Variants in MEI4 observed in about 807,000 individuals in gnomAD.
MEI4 encodes the protein meiosis-specific protein MEI4.
A neutral mutation model predicts 31.4 loss-of-function variants in MEI4; 27 were observed. The observed-to-expected ratio is 0.86, with a 90% CI of 0.63 to 1.19. The LOEUF (loss-of-function observed/expected upper bound fraction) is 1.19. Ranked by LOEUF, MEI4 falls within the 50% of genes most tolerant of loss-of-function variation. The pLI, the probability that MEI4 is intolerant of heterozygous loss-of-function variation, is 0.00. For missense variants in MEI4, 329 were observed against 398.9 expected, an observed-to-expected ratio of 0.82 and a Z score of 1.49; for synonymous variants, 122 against 145.4, an observed-to-expected ratio of 0.84 and a Z score of 1.16.
chr6:77,889,570 T>C (rs558715081), intron 4 of MEI4, among the ~76,000 whole-genome samples: 209 of 152,242 alleles, frequency 1.4e-3, no homozygotes, highest in Admixed American at 3.1e-3. Flanking sequence ...GACAATGCAG[T>C]GGAAAAAGTA....
intron 4 of MEI4, among the ~76,000 whole-genome samples, chr6:77,903,844 C>T (rs752777710): frequency 2.1e-4 from 32 of 151,992 alleles, no homozygotes; most frequent in Non-Finnish European, 3.8e-4. Flanking sequence ...TTTATAGGAA[C>T]ATTTATGTTA....
At chr6:77,716,517 A>G (rs138096057) in intron 2 of MEI4, among the ~76,000 whole-genome samples, 50 of 152,284 alleles carry the variant, frequency 3.3e-4, no homozygotes, top group African/African-American at 1.2e-3. Flanking sequence ...GGGCTCCATC[A>G]TGAGACACAT....
chr6:77,752,845 A>G (rs943099975), intron 2 of MEI4, among the ~76,000 whole-genome samples: 2 of 146,536 alleles, frequency 1.4e-5, no homozygotes, highest in Admixed American at 1.4e-4. Context: ...TCACACTACT[A>G]CAACTATACT....
At chr6:77,808,619 C>G (rs886489258) in intron 3 of MEI4, among the ~76,000 whole-genome samples, 1 of 152,026 alleles carries the variant, frequency 6.6e-6, no homozygotes, top group Admixed American at 6.6e-5. Flanking sequence ...AGAGGAAAAC[C>G]TTGAGAGGAG....
intron 3 of MEI4, among the ~76,000 whole-genome samples, chr6:77,824,669 T>A (rs920923493): frequency 2.0e-5 from 3 of 151,302 alleles, no homozygotes; most frequent in Non-Finnish European, 4.4e-5. Context: ...AAAAAAAAGA[T>A]CTAGGTCTGA....
chr6:77,777,929 A>G (rs1768495946), intron 3 of MEI4, among the ~76,000 whole-genome samples: 1 of 152,178 alleles, frequency 6.6e-6, no homozygotes, highest in Admixed American at 6.5e-5. Context: ...ACATAAATTA[A>G]TAACAGTTTG....
At chr6:77,885,582 T>G (rs538801683) in intron 4 of MEI4, among the ~76,000 whole-genome samples, 1 of 152,078 alleles carries the variant, frequency 6.6e-6, no homozygotes, top group South Asian at 2.1e-4. Flanking sequence ...AGTTGTTAGG[T>G]TTTTTTTAAA....
intron 1 of MEI4, among the ~76,000 whole-genome samples, chr6:77,656,597 A>C (rs1768401748): frequency 6.6e-6 from 1 of 152,216 alleles, no homozygotes; most frequent in African/African-American, 2.4e-5. Context: ...ACAATCAATA[A>C]GTGGTGCTGA....
chr6:77,650,514 C>A (rs1768280831), upstream of MEI4, among the ~76,000 whole-genome samples: 1 of 152,208 alleles, frequency 6.6e-6, no homozygotes, highest in Non-Finnish European at 1.5e-5. Context: ...TGGCGCAGAG[C>A]GCCTGCTCCA....
upstream of MEI4, among the ~76,000 whole-genome samples, chr6:77,652,117 G>C (rs980100053): frequency 6.6e-6 from 1 of 152,146 alleles, no homozygotes; most frequent in Admixed American, 6.6e-5. Context: ...GCTAAATTAG[G>C]CTAGGTCACT....
At chr6:77,745,250 G>A (rs538252651) in intron 2 of MEI4, among the ~76,000 whole-genome samples, 1 of 152,094 alleles carries the variant, frequency 6.6e-6, no homozygotes, top group Non-Finnish European at 1.5e-5. Context: ...ACACACATAG[G>A]CTCAAAATAA....
chr6:77,787,587 G>T (rs1040305295), intron 3 of MEI4, among the ~76,000 whole-genome samples: 4 of 152,128 alleles, frequency 2.6e-5, no homozygotes, highest in Non-Finnish European at 1.5e-5. Context: ...AGTCTAAAAA[G>T]ACGGGAAGAG....
chr6:77,732,437 C>A (rs1459703992), intron 2 of MEI4, among the ~76,000 whole-genome samples: 7 of 151,830 alleles, frequency 4.6e-5, no homozygotes, highest in South Asian at 2.1e-4. Flanking sequence ...TTTGTCTGTT[C>A]TTGGTGTATA....
chr6:77,663,770 G>T (rs1322911110), intron 1 of MEI4, among the ~76,000 whole-genome samples: 1 of 152,172 alleles, frequency 6.6e-6, no homozygotes, highest in East Asian at 1.9e-4. Flanking sequence ...GAAGCTCGGG[G>T]TCCGTGATGG....
intron 1 of MEI4, among the ~76,000 whole-genome samples, chr6:77,690,084 A>C (rs1195847921): frequency 6.6e-6 from 1 of 152,054 alleles, no homozygotes; most frequent in Non-Finnish European, 1.5e-5. Flanking sequence ...CGCAACTTAA[A>C]TGATGCAAAT....
intron 3 of MEI4, among the ~76,000 whole-genome samples, chr6:77,823,485 C>T (rs2127709405): frequency 6.6e-6 from 1 of 152,300 alleles, no homozygotes; most frequent in South Asian, 2.1e-4. Context: ...CCATTAATTG[C>T]TTGCCTATTG....
chr6:77,915,692 T>C (rs910197693), intron 4 of MEI4, among the ~76,000 whole-genome samples: 1 of 152,084 alleles, frequency 6.6e-6, no homozygotes, highest in African/African-American at 2.4e-5. Flanking sequence ...AATTATATAA[T>C]GACCTTCTTT....
chr6:77,655,676 G>A (rs1032370227), intron 1 of MEI4, among the ~76,000 whole-genome samples: 6 of 152,042 alleles, frequency 3.9e-5, no homozygotes, highest in Admixed American at 2.0e-4. Flanking sequence ...TTAAAATAAC[G>A]AAAGTACAGG....
chr6:77,791,280 C>A (rs906999393), intron 3 of MEI4, among the ~76,000 whole-genome samples: 4 of 152,172 alleles, frequency 2.6e-5, no homozygotes, highest in Admixed American at 6.5e-5. Flanking sequence ...TGGAACCAAG[C>A]GAAATCTCCA....
Sources: gnomAD v4.1 joint callset for allele counts (sites outside exome capture counted in the v4.1 genomes callset) on GRCh38, gnomAD v4.1.1 for gene constraint, MANE v1.5 for transcripts, NCBI Gene and HGNC (gene_info 2026-07-23, HGNC 2026-07-21) for gene names.